Variants in TNRC18 observed in about 807,000 individuals in gnomAD.
TNRC18 encodes the protein trinucleotide repeat-containing gene 18 protein.
In TNRC18, 69 loss-of-function variants were observed where a neutral mutation model predicts 226.7. The ratio of observed to expected loss-of-function variants is 0.30; its 90% CI spans 0.25 to 0.37. The LOEUF is 0.37. Among genes scored for constraint, TNRC18 ranks in the 10% least tolerant of loss-of-function variants. The pLI, the probability that TNRC18 is intolerant of heterozygous loss-of-function variation, is 1.00. For synonymous variants in TNRC18, 2,449 were observed against 1,927.6 expected, an observed-to-expected ratio of 1.27 and a Z score of -7.09; for missense variants, 4,754 against 4,256.6, an observed-to-expected ratio of 1.12 and a Z score of -3.25.
intron 24 of TNRC18, 144 bp downstream of exon 24, chr7:5,320,174 T>C (rs1788203466): frequency 1.2e-5 from 8 of 654,560 alleles, no homozygotes; most frequent in Non-Finnish European, 1.4e-5. Context: ...CTGGATCCAA[T>C]CATGCCTGAA....
At chr7:5,329,860 C>G in intron 19 of TNRC18, 1 of 468,280 alleles carries the variant, frequency 2.1e-6, no homozygotes. Flanking sequence ...CTGTTGGAGG[C>G]CCAGGGTTTC....
intron 2 of TNRC18, among the ~76,000 whole-genome samples, chr7:5,413,274 C>T (rs1781956572): frequency 6.6e-6 from 1 of 152,140 alleles, no homozygotes. Flanking sequence ...CCAGCCACAT[C>T]CAAAACAAGA....
rs747842303 is a variant in TNRC18, at chr7:5,390,497, C to A, written c.475G>T (p.Gly159Trp). ...PSIFDTQKGQ[G>W]PGGDGFYLPT... ...ACTCCAGTCTTACCTCCTCCTGGCC[C>A]CTGACCTTTCTGGGTATCGAAAATG... The change falls in exon 4 of 30, where the codon GGG (glycine) becomes TGG (tryptophan). Residue 159 changes from glycine to tryptophan, a missense_variant. Physicochemically the swap from Gly to Trp is radical, Grantham distance 184 (BLOSUM62 -2). Coordinates refer to ENST00000430969, the MANE Select transcript of TNRC18 (RefSeq NM_001080495.3). 4 of 1,613,646 alleles carry A rather than the reference C, an allele frequency of 2.5e-6. No homozygotes were observed. The South Asian group carries it at 4.4e-5, about 18-fold the overall frequency.
intron 19 of TNRC18, among the ~76,000 whole-genome samples, chr7:5,328,328 T>A (rs1299882531): frequency 6.6e-6 from 1 of 151,958 alleles, no homozygotes; most frequent in African/African-American, 2.4e-5. Context: ...TTCAAGACCA[T>A]CCTGGGCAAC....
chr7:5,360,734 G>C (rs1002428690), intron 14 of TNRC18, among the ~76,000 whole-genome samples: 1 of 152,120 alleles, frequency 6.6e-6, no homozygotes, highest in African/African-American at 2.4e-5. Context: ...GCTGCGGCTG[G>C]TGAGGGAGAT....
At chr7:5,341,232 A>T (rs1215617572) in intron 18 of TNRC18, among the ~76,000 whole-genome samples, 2 of 148,212 alleles carry the variant, frequency 1.3e-5, no homozygotes, top group Admixed American at 1.4e-4. Flanking sequence ...TACCACAGTG[A>T]AACCCTGTCT....
In TNRC18 at chr7:5,325,125, T is replaced by C; in HGVS notation, c.6271A>G (p.Lys2091Glu). ...SLTAAKRSKA[K>E]AKGKEVKKEN... ...TTCTTCACCTCCTTCCCTTTGGCCT[T>C]GGCTTTGCTCCTTTTGGCAGCGGTC... Residue 2091 changes from lysine (K) to glutamate (E), a missense_variant, in exon 20 of 30, where the codon AAG (lysine) becomes GAG (glutamate). Coordinates refer to ENST00000430969, the MANE Select transcript of TNRC18 (RefSeq NM_001080495.3). 6.4e-7 allele frequency: 1 copy of C among 1,550,658 alleles called. No homozygotes were observed. The highest frequency in any genetic ancestry group is 8.7e-7 in the Non-Finnish European group (1 of 1,147,270).
At chr7:5,386,325 T>G (rs969984171) in intron 5 of TNRC18, among the ~76,000 whole-genome samples, 1 of 150,074 alleles carries the variant, frequency 6.7e-6, no homozygotes, top group Non-Finnish European at 1.5e-5. Context: ...GGTAGGAGAT[T>G]CAGTACTTTC....
chr7:5,361,627 C>T lies in TNRC18; in HGVS notation c.4628G>A (p.Arg1543His), dbSNP rs778601500. ...ACTGTGGCCGCTCTTCCCTCTCTTG[C>T]GGGGGGGCGACAGGGCGCTCGGGGC... ...THAPSALSPP[R>H]KRGKSGHSSG... Residue 1543 changes from arginine to histidine, a missense_variant, in exon 14 of 30, where the codon CGC becomes CAC. By Grantham distance (29) the Arg-to-His change is conservative (BLOSUM62 0). Coordinates refer to ENST00000430969, the MANE Select transcript of TNRC18 (RefSeq NM_001080495.3). 29 of 1,545,106 alleles carry T rather than the reference C, an allele frequency of 1.9e-5. No homozygotes were observed. Among genetic ancestry groups the T allele is most frequent in the African/African-American group, 4.2e-5 (3 of 71,390 alleles).
At chr7:5,308,990 G>C (rs776545102) in intron 28 of TNRC18, 41 bp from the exon 29 acceptor site, 4 of 1,571,960 alleles carry the variant, frequency 2.5e-6, no homozygotes, top group Non-Finnish European at 8.6e-7. Context: ...GAGCCCGGGG[G>C]CTGCTGCACC....
intron 17 of TNRC18, among the ~76,000 whole-genome samples, chr7:5,347,481 C>T (rs541674288): frequency 6.8e-6 from 1 of 147,498 alleles, no homozygotes; most frequent in African/African-American, 2.5e-5. Flanking sequence ...CAGGCATGAG[C>T]CGCCACACCC....
rs1285603836 is a variant in TNRC18, at chr7:5,307,340, A to C, written c.*766T>G. On this transcript the variant is annotated 3_prime_UTR_variant, in exon 30 of 30. Coordinates refer to ENST00000430969, the MANE Select transcript of TNRC18 (RefSeq NM_001080495.3). ...AGGCTTATGATACAGGGGCGGGGCG[A>C]GTCTCTTGGTACAATAAAACTGTAC... 1.2e-5 allele frequency: 2 copies of C among 169,910 alleles called. No individual in the cohort carries two copies. Among genetic ancestry groups the C allele is most frequent in the Admixed American group, 6.5e-5 (1 of 15,324 alleles). The allele number at this position is 169,910 out of a possible 1,614,324, so 10.5% of individuals were successfully genotyped here.
chr7:5,323,644 C>T (rs973174412), intron 21 of TNRC18, among the ~76,000 whole-genome samples: 1 of 147,366 alleles, frequency 6.8e-6, no homozygotes, highest in Non-Finnish European at 1.5e-5. Context: ...CTTGGCTCAC[C>T]GCAACCTCCG....
chr7:5,357,373 C>T, intron 15 of TNRC18, 97 bp from the exon 16 acceptor site: 1 of 1,319,684 alleles, frequency 7.6e-7, no homozygotes, highest in Non-Finnish European at 1.0e-6. Context: ...TCCAATCCTT[C>T]ACCTGCCTCT....
At chr7:5,342,073 C>G (rs1790738932) in intron 18 of TNRC18, among the ~76,000 whole-genome samples, 1 of 152,168 alleles carries the variant, frequency 6.6e-6, no homozygotes, top group Non-Finnish European at 1.5e-5. Flanking sequence ...GCTACAGCTG[C>G]CACGGATGAT....
At chr7:5,323,246 G>A (rs994524184) in intron 21 of TNRC18, among the ~76,000 whole-genome samples, 7 of 152,142 alleles carry the variant, frequency 4.6e-5, no homozygotes, top group African/African-American at 1.4e-4. Context: ...ACAGACCCCT[G>A]GGTCCCAGCC....
At chr7:5,364,958 C>A (rs1046410634) in intron 11 of TNRC18, among the ~76,000 whole-genome samples, 3 of 151,298 alleles carry the variant, frequency 2.0e-5, no homozygotes, top group African/African-American at 7.3e-5. Context: ...CTCTAAAGGT[C>A]AAAAACACTA....
At chr7:5,327,242 C>T (rs1028093491) in intron 19 of TNRC18, among the ~76,000 whole-genome samples, 2 of 152,030 alleles carry the variant, frequency 1.3e-5, no homozygotes, top group African/African-American at 4.8e-5. Flanking sequence ...GAAGTCACAG[C>T]GTCCATATCC....
In TNRC18 at chr7:5,377,573, C is replaced by A. The variant is rs781702172; in HGVS notation, c.2259G>T (p.Glu753Asp). ...LDRDQEKLLR[E>D]SKELADLARL... is the part of the protein sequence containing the mutation. ...GGGCCAGGTCAGCCAGCTCCTTACT[C>A]TCTCTGGAAGGAGGATCATAGGTGT... The change falls in exon 7 of 30, where the codon GAG (glutamate) becomes GAT (aspartate). Residue 753 changes from glutamate to aspartate, a missense_variant. Glu to Asp is a conservative substitution (Grantham distance 45, BLOSUM62 2). Transcript: ENST00000430969. This position sits in a 1 kb window ranked among gnomAD's most constrained non-coding sequence, Gnocchi z 5.8. 2 of 1,577,230 alleles carry A rather than the reference C, an allele frequency of 1.3e-6. No homozygotes were observed.
Sources: gnomAD v4.1 joint callset for allele counts (sites outside exome capture counted in the v4.1 genomes callset) on GRCh38, gnomAD v4.1.1 for gene constraint, Gnocchi (gnomAD v3.1) non-coding constraint, MANE v1.5 for transcripts, NCBI Gene and HGNC (gene_info 2026-07-23, HGNC 2026-07-21) for gene names.